Variants in NCOA2 observed in about 807,000 individuals in gnomAD.
NCOA2 encodes class E basic helix-loop-helix protein 75.
In NCOA2, 21 loss-of-function variants were observed where a neutral mutation model predicts 145.1. That is an observed-to-expected ratio of 0.14 (90% CI 0.10 to 0.21). The LOEUF (loss-of-function observed/expected upper bound fraction) is 0.21, where lower values mean the gene tolerates loss of function less well. Ranked by LOEUF, NCOA2 falls within the 10% of genes least tolerant of loss-of-function variation. NCOA2 has a pLI of 1.00. For missense variants in NCOA2, 1,472 were observed against 1,837.6 expected (o/e 0.80, Z 3.64); for synonymous variants, 619 against 637.5 (o/e 0.97, Z 0.44).
At chr8:70,282,577 A>G (rs1188177330) in intron 2 of NCOA2, among the ~76,000 whole-genome samples, 1 of 151,840 alleles carries the variant, frequency 6.6e-6, no homozygotes, top group Non-Finnish European at 1.5e-5. Flanking sequence ...AATCCCAGCT[A>G]CTCGGGAGGC....
chr8:70,143,997 G>A (rs976106843), intron 13 of NCOA2, among the ~76,000 whole-genome samples: 32 of 152,326 alleles, frequency 2.1e-4, no homozygotes, highest in African/African-American at 6.7e-4. Flanking sequence ...CTGGATATAA[G>A]CTTGGGAATA....
intron 2 of NCOA2, among the ~76,000 whole-genome samples, chr8:70,222,369 C>A (rs192690454): frequency 1.1e-3 from 171 of 152,272 alleles, no homozygotes; most frequent in Non-Finnish European, 2.0e-3. Flanking sequence ...ATCCTGCAAC[C>A]ACAACTAGTC....
Position 70,213,985 on chromosome 8 carries a change from A to G in NCOA2, c.177T>C (p.Asp59=), listed in dbSNP as rs1819327934. ...LAELIFANFN[D]IDNFNFKPDK... is the part of the protein sequence containing the mutation. ...CAGGTTTGAAGTTAAAGTTGTCTATATCATTAAAATTTGCAAAAATCAACT... is the reference window on the plus strand; with the variant it reads ...CAGGTTTGAAGTTAAAGTTGTCTATGTCATTAAAATTTGCAAAAATCAACT... The change falls in exon 4 of 23, where the codon GAT becomes GAC. Residue 59 remains aspartate, a synonymous_variant. Transcript: ENST00000452400. 4 of 1,612,894 alleles carry G rather than the reference A, an allele frequency of 2.5e-6. No individual in the cohort carries two copies. The highest frequency in any genetic ancestry group is 3.4e-6 in the Non-Finnish European group (4 of 1,179,558).
At chr8:70,433,151 A>G in the NCOA2 span, among the ~76,000 whole-genome samples, 3 of 152,226 alleles carry the variant, frequency 2.0e-5, no homozygotes, top group African/African-American at 7.2e-5. Flanking sequence ...CCATCAAATT[A>G]TATGAATAAG....
At chr8:70,138,913 C>T (rs1810055164) in intron 14 of NCOA2, among the ~76,000 whole-genome samples, 1 of 152,208 alleles carries the variant, frequency 6.6e-6, no homozygotes, top group African/African-American at 2.4e-5. Flanking sequence ...AACGCTTGGG[C>T]GATAATAAGA....
intron 1 of NCOA2, among the ~76,000 whole-genome samples, chr8:70,302,044 A>G (rs535869207): frequency 3.9e-4 from 60 of 152,304 alleles, no homozygotes; most frequent in African/African-American, 1.4e-3. Context: ...CAAACTCTCA[A>G]ACACAAAAAA....
chr8:70,265,615 T>G (rs1215708122), intron 2 of NCOA2, among the ~76,000 whole-genome samples: 1 of 152,202 alleles, frequency 6.6e-6, no homozygotes, highest in Non-Finnish European at 1.5e-5. Flanking sequence ...ACTGACTTCC[T>G]CTTCTTCAAA....
intron 22 of NCOA2, among the ~76,000 whole-genome samples, chr8:70,115,136 G>A (rs1042231787): frequency 2.6e-5 from 4 of 151,868 alleles, no homozygotes; most frequent in African/African-American, 9.7e-5. Context: ...CTACTGAGAA[G>A]TATTTATTTA....
At chr8:70,221,396 T>C (rs1820121768) in intron 2 of NCOA2, among the ~76,000 whole-genome samples, 1 of 152,174 alleles carries the variant, frequency 6.6e-6, no homozygotes, top group Non-Finnish European at 1.5e-5. Context: ...GGTAACAGTT[T>C]CTCCTTCAAA....
At chr8:70,367,513 A>C (rs1810822458) in intron 1 of NCOA2, among the ~76,000 whole-genome samples, 1 of 152,180 alleles carries the variant, frequency 6.6e-6, no homozygotes, top group Non-Finnish European at 1.5e-5. Context: ...TGAGAGTATA[A>C]CATAGATTTT....
chr8:70,415,782 T>A, the NCOA2 span, among the ~76,000 whole-genome samples: 2 of 152,200 alleles, frequency 1.3e-5, no homozygotes, highest in African/African-American at 4.8e-5. Flanking sequence ...AGATTTATCA[T>A]CTTCACTTCA....
chr8:70,441,752 G>C, the NCOA2 span, among the ~76,000 whole-genome samples: 1 of 142,316 alleles, frequency 7.0e-6, no homozygotes, highest in Non-Finnish European at 1.5e-5. Context: ...AGGAAAGAGA[G>C]AAAGAAAGAG....
At chr8:70,374,917 A>G (rs1238876672) in intron 1 of NCOA2, among the ~76,000 whole-genome samples, 1 of 152,088 alleles carries the variant, frequency 6.6e-6, no homozygotes, top group African/African-American at 2.4e-5. Flanking sequence ...ATATTTTCCA[A>G]TGTTTCCTTA....
rs1031565486 is a variant in NCOA2 at position 70,403,719 on chromosome 8, C to G, written c.-96G>C. On this transcript the variant is annotated 5_prime_UTR_variant, in exon 1 of 23. Coordinates refer to ENST00000452400, the MANE Select transcript of NCOA2 (RefSeq NM_006540.4). ...GGTTACCGGCTCGGGTCGGTCACGC[C>G]GTCAGGTGCCGGCTGCCGTCGGCGC... 2 of 396,626 alleles carry G rather than the reference C, an allele frequency of 5.0e-6. No individual in the cohort carries two copies. Among genetic ancestry groups the G allele is most frequent in the Non-Finnish European group, 8.9e-6 (2 of 224,756 alleles). 24.6% of individuals were successfully genotyped at this position (396,626 alleles called of 1,614,324 possible).
chr8:70,290,280 C>G (rs1826568071), intron 2 of NCOA2, among the ~76,000 whole-genome samples: 1 of 151,140 alleles, frequency 6.6e-6, no homozygotes. Context: ...GCTCCGCCTC[C>G]TGGGTTCACA....
At chr8:70,341,984 G>A (rs1393692739) in intron 1 of NCOA2, among the ~76,000 whole-genome samples, 1 of 152,020 alleles carries the variant, frequency 6.6e-6, no homozygotes, top group African/African-American at 2.4e-5. Flanking sequence ...AAAAAGCTCT[G>A]AGGATTCTTT....
At chr8:70,439,472 G>C in the NCOA2 span, among the ~76,000 whole-genome samples, 20 of 152,282 alleles carry the variant, frequency 1.3e-4, no homozygotes, top group African/African-American at 3.6e-4. Context: ...AGGCACTCGG[G>C]GGGAGGAAAC....
chr8:70,201,160 C>T (rs1333681942), intron 4 of NCOA2, among the ~76,000 whole-genome samples: 1 of 150,570 alleles, frequency 6.6e-6, no homozygotes, highest in South Asian at 2.1e-4. Flanking sequence ...CAAAAAAGGT[C>T]AAATTAAAAT....
In NCOA2 at chr8:70,156,670, G is replaced by C; in HGVS notation, c.1695C>G (p.Ser565=). 1 of 1,613,912 alleles carries C rather than the reference G, an allele frequency of 6.2e-7. No individual in the cohort carries two copies. The highest frequency in any genetic ancestry group is 8.5e-7 in the Non-Finnish European group (1 of 1,179,884). Residue 565 remains serine, a synonymous_variant, in exon 11 of 23, where the codon TCC becomes TCG. Transcript: ENST00000452400. ...PDLKMGNLQN[S]PVNMNPPPLS... Reference sequence around the variant, plus strand: ...GTGGGGGAGGATTCATATTAACTGGGGAGTTTTGCAAATTGCCCATTTTTA... The same window carrying C: ...GTGGGGGAGGATTCATATTAACTGGCGAGTTTTGCAAATTGCCCATTTTTA...
Sources: gnomAD v4.1 joint callset for allele counts (sites outside exome capture counted in the v4.1 genomes callset) on GRCh38, gnomAD v4.1.1 for gene constraint, MANE v1.5 for transcripts, NCBI Gene and HGNC (gene_info 2026-07-23, HGNC 2026-07-21) for gene names.